Variants in ECE1 observed in about 807,000 individuals in gnomAD.
ECE1 encodes endothelin converting enzyme 1.
Under a neutral mutation model 98.6 loss-of-function variants are expected in ECE1, and 35 were observed. That is an observed-to-expected ratio of 0.35 (90% CI 0.27 to 0.47). The LOEUF is 0.47. Among genes scored for constraint, ECE1 ranks in the 20% least tolerant of loss-of-function variants. The pLI is 1.00. For missense variants in ECE1, 814 were observed against 1,025.3 expected (o/e 0.79, Z 2.81); for synonymous variants, 394 against 407.1 (o/e 0.97, Z 0.39).
intron 1 of ECE1, among the ~76,000 whole-genome samples, chr1:21,311,509 C>CAAAAAAAAA (rs397979522): frequency 0.063 from 4,647 of 73,922 alleles, 439 homozygotes; most frequent in African/African-American, 0.16. Flanking sequence ...CCTGTCTCCA[C>CAAAAAAAAA]AAAAAAAAAA....
chr1:21,342,578 C>T (rs1639420385), intron 1 of ECE1, among the ~76,000 whole-genome samples: 1 of 150,442 alleles, frequency 6.6e-6, no homozygotes, highest in Non-Finnish European at 1.5e-5. Flanking sequence ...ACAGGAAACA[C>T]ATCACACAGA....
At chr1:21,320,163 C>G (rs1268452904) in intron 1 of ECE1, among the ~76,000 whole-genome samples, 1 of 152,236 alleles carries the variant, frequency 6.6e-6, no homozygotes, top group Non-Finnish European at 1.5e-5. Context: ...CAGATTCTCC[C>G]CATGGATTCT....
intron 9 of ECE1, among the ~76,000 whole-genome samples, chr1:21,246,498 C>CAA (rs368916726): frequency 0.064 from 6,077 of 95,676 alleles, 141 homozygotes; most frequent in East Asian, 0.1. Flanking sequence ...GACTCCATCT[C>CAA]AAAAAAAAAA....
chr1:21,298,972 A>G, intron 1 of ECE1: 1 of 443,968 alleles, frequency 2.3e-6, no homozygotes, highest in Non-Finnish European at 4.5e-6. Context: ...GCACCTCCTC[A>G]TGCTCCTGTG....
At chr1:21,264,321 T>TGC (rs1558398405) in intron 4 of ECE1, among the ~76,000 whole-genome samples, 40 of 11,030 alleles carry the variant, frequency 3.6e-3, no homozygotes, top group Non-Finnish European at 4.7e-3. Flanking sequence ...CCCCCCCCCC[T>TGC]TTTTTTTTTT....
chr1:21,238,439 C>G (rs1167198793), intron 10 of ECE1, 195 bp from the exon 11 acceptor site: 1 of 637,304 alleles, frequency 1.6e-6, no homozygotes, highest in Non-Finnish European at 2.8e-6. Context: ...CCTGCCATTT[C>G]CTGAATGCCA....
rs3026873 is a variant in ECE1, at chr1:21,263,041, G to C, written c.494-2649C>G. ...GTGAACGCTGTGAGAACATCCCAGA[G>C]GCCTTGAAGGGGAGGGCGGGAGGAG... On this transcript the variant is annotated intron_variant, in intron 4 of 18. Transcript: ENST00000374893. Among the ~76,000 whole-genome samples, 333 of 152,290 alleles carry C rather than the reference G, an allele frequency of 2.2e-3. 6 individuals are homozygous for C. The highest frequency in any genetic ancestry group is 3.3e-3 in the Non-Finnish European group (224 of 68,006).
chr1:21,294,530 A>C (rs377392610), upstream of ECE1: 1 of 152,562 alleles, frequency 6.6e-6, no homozygotes, highest in East Asian at 1.9e-4. The surrounding 1 kb of genome is among the most constrained non-coding windows in gnomAD (Gnocchi z 4.2). Context: ...CCCCAGCTGC[A>C]CAGAGGAAGT....
rs956432858 is a variant in ECE1, at chr1:21,340,072, T to C, written c.3+5304A>G. Among the ~76,000 whole-genome samples, 1 of 152,244 alleles carries C rather than the reference T, an allele frequency of 6.6e-6. No homozygotes were observed. The highest frequency in any genetic ancestry group is 6.5e-5 in the Admixed American group (1 of 15,284). ...CGTCTAGGAAGCATTCCACCAAGTG[T>C]TAACACCTCTTCTGGGAAGGCTTCC... On this transcript the variant is annotated intron_variant, in intron 1 of 18. Coordinates refer to the ECE1 transcript ENST00000415912. This position sits in a 1 kb window ranked among gnomAD's most constrained non-coding sequence, Gnocchi z 4.6.
intron 8 of ECE1, among the ~76,000 whole-genome samples, chr1:21,254,124 C>T (rs2098216879): frequency 6.7e-6 from 1 of 150,268 alleles, no homozygotes; most frequent in Admixed American, 6.6e-5. Flanking sequence ...AGGGCAAGGG[C>T]TATGTCTCAT....
At position 21,219,918 on chromosome 1, in the gene ECE1, C is replaced by CT; in HGVS notation, c.*36dup. On this transcript the variant is annotated 3_prime_UTR_variant, in exon 19 of 19. Coordinates refer to ENST00000374893, the MANE Select transcript of ECE1 (RefSeq NM_001397.3). This position sits in a 1 kb window ranked among gnomAD's most constrained non-coding sequence, Gnocchi z 4.5. ...TGGATGGGGGTCTCGTCCTCAGCCC[C>CT]TTCCCCTCCTCCGTCTTGGCTCTCT... is the stretch of plus-strand genomic sequence containing the variant. 1.2e-6 allele frequency: 2 copies of CT among 1,612,868 alleles called. No individual in the cohort carries two copies. The highest frequency in any genetic ancestry group is 8.5e-7 in the Non-Finnish European group (1 of 1,179,802).
At chr1:21,259,986 C>A (rs1307299123) in intron 5 of ECE1, among the ~76,000 whole-genome samples, 1 of 152,226 alleles carries the variant, frequency 6.6e-6, no homozygotes, top group Non-Finnish European at 1.5e-5. Context: ...ATCCCACACA[C>A]AGATGCACAG....
chr1:21,251,788 A>G (rs1448239192), intron 8 of ECE1, among the ~76,000 whole-genome samples: 1 of 152,200 alleles, frequency 6.6e-6, no homozygotes, highest in African/African-American at 2.4e-5. Flanking sequence ...TTCTCTAAAA[A>G]GGGGAAAACA....
At chr1:21,299,050 G>A (rs1638430535) in intron 1 of ECE1, 1 of 359,280 alleles carries the variant, frequency 2.8e-6, no homozygotes. Flanking sequence ...GAGACCAAGC[G>A]CTCTCTGACA....
intron 2 of ECE1, among the ~76,000 whole-genome samples, chr1:21,282,240 T>C (rs1048701308): frequency 6.6e-6 from 1 of 150,950 alleles, no homozygotes; most frequent in Admixed American, 6.6e-5. Flanking sequence ...CAGTAAGCCA[T>C]GATTGTGCCC....
rs180691167 is a variant in ECE1 at position 21,247,511 on chromosome 1, G to A, written c.1021-148C>T. The A allele has an allele frequency of 1.4e-4, 163 of 1,201,588 alleles. No individual in the cohort carries two copies. In the African/African-American group the frequency reaches 2.1e-3, roughly 15 times the overall value. 74.4% of individuals were successfully genotyped at this position (1,201,588 alleles called of 1,614,324 possible). ...CCGGGCAGAGAGTCAAGCGGAGCCTGGCGGGCTTTTGTCAGAGATGCTGTA... is the reference window on the plus strand; with the variant it reads ...CCGGGCAGAGAGTCAAGCGGAGCCTAGCGGGCTTTTGTCAGAGATGCTGTA... On this transcript the variant is annotated intron_variant, in intron 8 of 18. Transcript: ENST00000374893.
At chr1:21,259,265 G>A (rs532744888) in intron 5 of ECE1, among the ~76,000 whole-genome samples, 1 of 152,144 alleles carries the variant, frequency 6.6e-6, no homozygotes, top group Non-Finnish European at 1.5e-5. Flanking sequence ...TCAAAGTTGG[G>A]ATTTTAAAAA....
intron 1 of ECE1, among the ~76,000 whole-genome samples, chr1:21,304,417 C>T (rs1449399622): frequency 6.6e-6 from 1 of 151,954 alleles, no homozygotes; most frequent in East Asian, 1.9e-4. Context: ...TCTGGACAGG[C>T]CACGAGTCCC....
chr1:21,309,456 C>A (rs1558426643), intron 1 of ECE1, among the ~76,000 whole-genome samples: 1 of 152,200 alleles, frequency 6.6e-6, no homozygotes, highest in African/African-American at 2.4e-5. Context: ...GGAGTAGTGC[C>A]TGGTATGCAG....
Sources: gnomAD v4.1 joint callset for allele counts (sites outside exome capture counted in the v4.1 genomes callset) on GRCh38, gnomAD v4.1.1 for gene constraint, Gnocchi (gnomAD v3.1) non-coding constraint, MANE v1.5 for transcripts, NCBI Gene and HGNC (gene_info 2026-07-23, HGNC 2026-07-21) for gene names.